Variants in TANGO6 observed in about 807,000 individuals in gnomAD.
The protein encoded by TANGO6 is transport and golgi organization 6 homolog.
Under a neutral mutation model 114.2 loss-of-function variants are expected in TANGO6, and 90 were observed. The ratio of observed to expected loss-of-function variants is 0.79; its 90% confidence interval spans 0.66 to 0.94. The LOEUF is 0.94. Ranked by LOEUF, TANGO6 falls within the 40% of genes least tolerant of loss-of-function variation. TANGO6 has a pLI of 0.00. For synonymous variants in TANGO6, 477 were observed against 509.8 expected (o/e 0.94, Z 0.87); for missense variants, 1,274 against 1,315.3 (o/e 0.97, Z 0.49).
intron 15 of TANGO6, among the ~76,000 whole-genome samples, chr16:68,976,115 G>C (rs1567551692): frequency 1.3e-5 from 2 of 151,932 alleles, no homozygotes; most frequent in Non-Finnish European, 2.9e-5. Context: ...TTGTATTTTT[G>C]TAGAGATGGG....
intron 16 of TANGO6, among the ~76,000 whole-genome samples, chr16:69,033,009 A>C (rs182926866): frequency 1.3e-5 from 2 of 152,204 alleles, no homozygotes; most frequent in East Asian, 3.9e-4. Flanking sequence ...AACATGGTGA[A>C]ACCCCATCTC....
intron 13 of TANGO6, among the ~76,000 whole-genome samples, chr16:68,929,470 A>G (rs1597025106): frequency 6.6e-6 from 1 of 152,128 alleles, no homozygotes; most frequent in Non-Finnish European, 1.5e-5. Context: ...AACTGGGGTA[A>G]TTTTAGGCTC....
At chr16:68,955,211 G>T (rs1484003500) in intron 14 of TANGO6, among the ~76,000 whole-genome samples, 1 of 152,116 alleles carries the variant, frequency 6.6e-6, no homozygotes, top group African/African-American at 2.4e-5. Context: ...TGAAATCGTT[G>T]CTTGGAAACC....
chr16:68,928,604 A>G (rs1427570198), intron 13 of TANGO6, among the ~76,000 whole-genome samples: 1 of 152,066 alleles, frequency 6.6e-6, no homozygotes, highest in Non-Finnish European at 1.5e-5. Context: ...CCATCCTTCA[A>G]AATTTTTGCA....
chr16:68,877,194 G>A (rs1174970566), intron 5 of TANGO6, among the ~76,000 whole-genome samples: 1 of 152,164 alleles, frequency 6.6e-6, no homozygotes, highest in Non-Finnish European at 1.5e-5. Context: ...GTGGGGCTGG[G>A]CACGGTGGCT....
chr16:68,974,764 G>A (rs974034041), intron 15 of TANGO6, among the ~76,000 whole-genome samples: 3 of 152,132 alleles, frequency 2.0e-5, no homozygotes, highest in African/African-American at 7.2e-5. Context: ...CACTTGAGCA[G>A]CAGCAAGCAC....
At chr16:68,993,231 A>G (rs547449789) in intron 15 of TANGO6, among the ~76,000 whole-genome samples, 1 of 152,338 alleles carries the variant, frequency 6.6e-6, no homozygotes, top group East Asian at 1.9e-4. Context: ...TTCTTTAAAG[A>G]TAACAACATA....
chr16:68,858,165 G>A (rs1392662989), intron 1 of TANGO6, among the ~76,000 whole-genome samples: 1 of 151,634 alleles, frequency 6.6e-6, no homozygotes, highest in Admixed American at 6.6e-5. Context: ...CTGGGTTCAA[G>A]CAATTCTCCT....
At chr16:69,054,716 G>A (rs571900829) in intron 17 of TANGO6, among the ~76,000 whole-genome samples, 239 of 151,750 alleles carry the variant, frequency 1.6e-3, no homozygotes, top group Non-Finnish European at 2.7e-3. Context: ...GGCGGATCAC[G>A]AGGTCAGGAG....
chr16:68,857,491 C>T (rs541002305), intron 1 of TANGO6, among the ~76,000 whole-genome samples: 9 of 152,030 alleles, frequency 5.9e-5, no homozygotes, highest in Admixed American at 5.9e-4. Context: ...TGTAAACATA[C>T]ATATGCAGTT....
Position 69,015,122 on chromosome 16 carries a change from T to A in TANGO6, c.2843-7706T>A, listed in dbSNP as rs564073058. ...AAGGGAGGGAAGATTAGTCAGAGGG[T>A]AGCAGAGCCCCAAGAAATGAAGGCA... On this transcript the variant is annotated intron_variant, in intron 15 of 17. Coordinates refer to ENST00000261778, the MANE Select transcript of TANGO6 (RefSeq NM_024562.2). 2.0e-4 allele frequency among the ~76,000 whole-genome samples: 31 copies of A among 152,080 alleles called. No individual in the cohort carries two copies. In the South Asian group the frequency reaches 6.0e-3, roughly 30 times the overall value.
At chr16:68,978,518 C>T (rs888369897) in intron 15 of TANGO6, among the ~76,000 whole-genome samples, 1 of 152,292 alleles carries the variant, frequency 6.6e-6, no homozygotes, top group East Asian at 1.9e-4. Context: ...ATCAACTTGT[C>T]CTGGTGCATA....
intron 15 of TANGO6, among the ~76,000 whole-genome samples, chr16:68,992,897 C>T (rs182337295): frequency 6.6e-4 from 100 of 152,132 alleles, no homozygotes; most frequent in Non-Finnish European, 9.0e-4. Context: ...AGTGAAACCC[C>T]GTCTCTACTA....
At chr16:68,968,071 C>CT (rs1963663006) in intron 14 of TANGO6, among the ~76,000 whole-genome samples, 1 of 151,652 alleles carries the variant, frequency 6.6e-6, no homozygotes, top group Non-Finnish European at 1.5e-5. Flanking sequence ...ATCGTAATAA[C>CT]ATTTTTTTTT....
At chr16:69,049,884 C>T (rs941809525) in intron 17 of TANGO6, among the ~76,000 whole-genome samples, 2 of 152,004 alleles carry the variant, frequency 1.3e-5, no homozygotes, top group African/African-American at 4.8e-5. Context: ...CCCTGCCTGG[C>T]TCATCCATGG....
intron 14 of TANGO6, among the ~76,000 whole-genome samples, chr16:68,940,310 C>CA (rs1963340209): frequency 6.6e-6 from 1 of 151,910 alleles, no homozygotes; most frequent in African/African-American, 2.4e-5. Context: ...CTCGGCCTCT[C>CA]AAAGTGTTGG....
At chr16:68,985,041 A>T in intron 15 of TANGO6, among the ~76,000 whole-genome samples, 1 of 135,564 alleles carries the variant, frequency 7.4e-6, no homozygotes, top group Non-Finnish European at 1.6e-5. Context: ...TGTTGTTGTT[A>T]GTTTTTTTTT....
intron 1 of TANGO6, among the ~76,000 whole-genome samples, chr16:68,848,236 A>G (rs1168954593): frequency 6.6e-6 from 1 of 152,076 alleles, no homozygotes; most frequent in Non-Finnish European, 1.5e-5. Context: ...CCTCCCAGCT[A>G]GCTGGGACTA....
chr16:68,891,883 G>A (rs1962626823), intron 7 of TANGO6, among the ~76,000 whole-genome samples: 1 of 145,296 alleles, frequency 6.9e-6, no homozygotes, highest in African/African-American at 2.6e-5. Flanking sequence ...AAGGAAAGAG[G>A]GAGGGAAGGA....
Sources: gnomAD v4.1 joint callset for allele counts (sites outside exome capture counted in the v4.1 genomes callset) on GRCh38, gnomAD v4.1.1 for gene constraint, MANE v1.5 for transcripts, NCBI Gene and HGNC (gene_info 2026-07-23, HGNC 2026-07-21) for gene names.